The following PUS10 variants were observed in gnomAD, a reference collection of about 807,000 sequenced individuals.
PUS10 encodes the protein tRNA pseudouridine synthase Pus10.
A neutral mutation model predicts 75.0 loss-of-function variants in PUS10; 59 were observed. The observed-to-expected ratio is 0.79, with a 90% confidence interval of 0.64 to 0.98. The LOEUF (loss-of-function observed/expected upper bound fraction) is 0.98, where lower values mean the gene tolerates loss of function less well. PUS10 is among the 50% of genes least tolerant of loss of function. The pLI, the probability that PUS10 is intolerant of heterozygous loss-of-function variation, is 0.00. For missense variants in PUS10, 650 were observed against 614.4 expected (o/e 1.06, Z -0.61); for synonymous variants, 219 against 211.6 (o/e 1.03, Z -0.30).
chr2:60,948,508 T>A (rs906467291), intron 15 of PUS10, among the ~76,000 whole-genome samples: 1 of 152,138 alleles, frequency 6.6e-6, no homozygotes, highest in African/African-American at 2.4e-5. Context: ...ATTACAGGTG[T>A]GCTCCACTGC....
intron 4 of PUS10, among the ~76,000 whole-genome samples, chr2:60,978,087 G>A (rs377580607): frequency 6.6e-6 from 1 of 152,114 alleles, no homozygotes; most frequent in African/African-American, 2.4e-5. Context: ...TCTTGCAGGA[G>A]AAGTGACACC....
intron 15 of PUS10, 94 bp from the exon 16 acceptor site, chr2:60,948,279 C>A: frequency 8.3e-7 from 1 of 1,210,464 alleles, no homozygotes; most frequent in Non-Finnish European, 1.2e-6. Flanking sequence ...TAGCTCACCA[C>A]AGATGCTTCC....
intron 4 of PUS10, among the ~76,000 whole-genome samples, chr2:61,005,668 A>G (rs1267973248): frequency 1.3e-5 from 2 of 152,220 alleles, no homozygotes; most frequent in African/African-American, 4.8e-5. Flanking sequence ...TTATAAGCCC[A>G]GTTATATCAT....
At chr2:61,004,402 A>G (rs1230659626) in intron 4 of PUS10, among the ~76,000 whole-genome samples, 1 of 152,178 alleles carries the variant, frequency 6.6e-6, no homozygotes, top group African/African-American at 2.4e-5. Flanking sequence ...AGGCGGGCAG[A>G]TCATGAGGTC....
intron 4 of PUS10, among the ~76,000 whole-genome samples, chr2:60,993,577 A>C (rs879464094): frequency 6.6e-6 from 1 of 152,226 alleles, no homozygotes; most frequent in Admixed American, 6.5e-5. Context: ...CAGTTTTTTA[A>C]GACAAAATTC....
rs749011073 is a variant in PUS10, at chr2:61,008,849, C to T, written c.293G>A (p.Ser98Asn). ...TAAATTTGAGTTCTTGGAAGCAGTGCTTCCAACATGACTAACAGAGATCCT... is the reference window on the plus strand; with the variant it reads ...TAAATTTGAGTTCTTGGAAGCAGTGTTTCCAACATGACTAACAGAGATCCT... ...EGRISVSHVG[S>N]TASKNSNLNV... is the part of the protein sequence containing the mutation. The change falls in exon 3 of 18, where the codon AGC becomes AAC. Residue 98 changes from serine to asparagine, a missense_variant. Coordinates refer to ENST00000316752, the MANE Select transcript of PUS10 (RefSeq NM_144709.4). 1.4e-5 allele frequency: 22 copies of T among 1,612,906 alleles called. No homozygotes were observed. The South Asian group carries it at 2.3e-4, about 17-fold the overall frequency.
At chr2:60,987,544 G>A (rs1251111322) in intron 4 of PUS10, among the ~76,000 whole-genome samples, 1 of 152,148 alleles carries the variant, frequency 6.6e-6, no homozygotes, top group East Asian at 1.9e-4. Context: ...TTGGTGTGTG[G>A]GAAATTTCAA....
At chr2:60,956,400 C>G (rs1181635191) in intron 11 of PUS10, among the ~76,000 whole-genome samples, 1 of 152,190 alleles carries the variant, frequency 6.6e-6, no homozygotes, top group Non-Finnish European at 1.5e-5. Context: ...GCTGCCCACC[C>G]CTGTCTCCCG....
At chr2:61,015,024 G>T (rs1430133975) in intron 1 of PUS10, among the ~76,000 whole-genome samples, 17 of 152,136 alleles carry the variant, frequency 1.1e-4, no homozygotes, top group Non-Finnish European at 1.3e-4. Context: ...CTAATTCAGG[G>T]GAATATGTGA....
chr2:60,943,153 T>C (rs192078446), intron 17 of PUS10, among the ~76,000 whole-genome samples: 41 of 152,244 alleles, frequency 2.7e-4, no homozygotes, highest in Non-Finnish European at 4.3e-4. Context: ...TTTTATTCTC[T>C]CATCTTGCAT....
chr2:61,014,386 A>G (rs1316304620), intron 1 of PUS10, among the ~76,000 whole-genome samples: 1 of 152,180 alleles, frequency 6.6e-6, no homozygotes, highest in Non-Finnish European at 1.5e-5. Context: ...TCTCAAACAA[A>G]CAAGCAAACA....
At chr2:61,004,846 G>GGAAA (rs1417563533) in intron 4 of PUS10, among the ~76,000 whole-genome samples, 1 of 152,010 alleles carries the variant, frequency 6.6e-6, no homozygotes, top group Non-Finnish European at 1.5e-5. Context: ...ACTAAACTAT[G>GGAAA]GAAACATATT....
At chr2:60,989,916 C>T (rs985155029) in intron 4 of PUS10, among the ~76,000 whole-genome samples, 2 of 152,154 alleles carry the variant, frequency 1.3e-5, no homozygotes, top group Non-Finnish European at 2.9e-5. Context: ...TGAGCCACCA[C>T]GCCCAGGCTC....
At chr2:60,946,759 C>G (rs1421241190) in intron 16 of PUS10, among the ~76,000 whole-genome samples, 1 of 151,630 alleles carries the variant, frequency 6.6e-6, no homozygotes, top group Admixed American at 6.6e-5. Flanking sequence ...GACAGGCAGA[C>G]TAGTTACAGC....
chr2:60,954,532 A>G (rs1288544742), intron 12 of PUS10, among the ~76,000 whole-genome samples: 1 of 152,226 alleles, frequency 6.6e-6, no homozygotes, highest in East Asian at 1.9e-4. Context: ...GTGAAATGGA[A>G]AAGCTTTGGT....
intron 3 of PUS10, among the ~76,000 whole-genome samples, chr2:61,007,289 G>A (rs1187863638): frequency 6.6e-6 from 1 of 151,710 alleles, no homozygotes; most frequent in Non-Finnish European, 1.5e-5. Flanking sequence ...GAACGGCAGT[G>A]TTCCTTTCAA....
At chr2:60,996,542 T>C (rs1303637265) in intron 4 of PUS10, among the ~76,000 whole-genome samples, 1 of 151,422 alleles carries the variant, frequency 6.6e-6, no homozygotes. Context: ...GGAGCCAAGG[T>C]AGTCAGGTAA....
chr2:60,990,407 T>C (rs10188217), intron 4 of PUS10, among the ~76,000 whole-genome samples: 88,202 of 152,004 alleles, frequency 0.58, 28,657 homozygotes, highest in African/African-American at 0.85. Context: ...ATGAGCCAGG[T>C]GTTTTGAGCA....
chr2:61,004,642 A>G (rs1229827504), intron 4 of PUS10, among the ~76,000 whole-genome samples: 1 of 151,542 alleles, frequency 6.6e-6, no homozygotes, highest in African/African-American at 2.4e-5. Context: ...AAAAAAAAAA[A>G]AAAAAAAAAG....
Sources: allele counts gnomAD v4.1 joint callset (sites outside exome capture counted in the v4.1 genomes callset), GRCh38; gene constraint gnomAD v4.1.1; transcripts MANE v1.5; gene names NCBI Gene and HGNC (gene_info 2026-07-23, HGNC 2026-07-21).